CTCFL: variants seen among roughly 807,000 people sequenced by gnomAD.
CTCFL encodes CCCTC-binding factor like, also known as transcriptional repressor CTCFL.
Under a neutral mutation model 67.4 loss-of-function variants are expected in CTCFL, and 36 were observed. The observed-to-expected ratio is 0.53, with a 90% confidence interval of 0.41 to 0.71. CTCFL has a LOEUF of 0.71. Among genes scored for constraint, CTCFL ranks in the 30% least tolerant of loss-of-function variants. The pLI is 0.00. For missense variants in CTCFL, 786 were observed against 835.2 expected, an observed-to-expected ratio of 0.94 and a Z score of 0.73; for synonymous variants, 324 against 302.3, an observed-to-expected ratio of 1.07 and a Z score of -0.75.
intron 9 of CTCFL, among the ~76,000 whole-genome samples, chr20:57,506,398 G>A (rs763304564): frequency 3.5e-4 from 53 of 152,140 alleles, no homozygotes; most frequent in Non-Finnish European, 2.6e-4. Context: ...CCACCTCCTG[G>A]GTTCAAGCAA....
intron 5 of CTCFL, among the ~76,000 whole-genome samples, chr20:57,517,850 TC>T (rs2069043037): frequency 6.6e-6 from 1 of 152,212 alleles, no homozygotes; most frequent in Non-Finnish European, 1.5e-5. Flanking sequence ...AAAAGTCCAC[TC>T]CAGGCTTAGG....
intron 8 of CTCFL, 57 bp from the exon 9 acceptor site, chr20:57,508,845 A>G: frequency 6.8e-7 from 1 of 1,480,854 alleles, no homozygotes. Context: ...TCTCGATATT[A>G]GACACTGTTT....
chr20:57,497,189 T>G lies in CTCFL; in HGVS notation c.*1361A>C. ...TATAGCAATTTTAAGTCATTTCATT[T>G]TATTGAATTATGTAAAACATCTTTA... On this transcript the variant is annotated 3_prime_UTR_variant, in exon 11 of 11. Transcript: ENST00000243914. 1.1e-6 allele frequency: 1 copy of G among 885,470 alleles called. No homozygotes were observed. The highest frequency in any genetic ancestry group is 5.2e-5 in the South Asian group (1 of 19,238). 54.9% of individuals were successfully genotyped at this position (885,470 alleles called of 1,614,324 possible). A position where few individuals can be genotyped will look rare whatever the true frequency, so the allele number is the denominator to read the frequency against.
intron 5 of CTCFL, chr20:57,518,418 A>G: frequency 1.1e-6 from 1 of 915,794 alleles, no homozygotes; most frequent in East Asian, 3.1e-5. Flanking sequence ...TCTGCATTCT[A>G]CGTTAGAGCA....
At chr20:57,501,598 G>C (rs1435708445) in intron 10 of CTCFL, among the ~76,000 whole-genome samples, 2 of 152,234 alleles carry the variant, frequency 1.3e-5, no homozygotes, top group African/African-American at 4.8e-5. Context: ...GTGAGACACT[G>C]GTTTTTCTTC....
Position 57,518,871 on chromosome 20 carries a change from T to TA in CTCFL, c.945dup (p.Asn316Ter). On this transcript the variant is annotated frameshift_variant, in exon 5 of 11. Coordinates refer to ENST00000243914, the MANE Select transcript of CTCFL (RefSeq NM_001386993.1). LOFTEE classifies it high-confidence loss of function. ...GTGACAAATGCCATGTTGCAGTCGT[T>TA]ACACTTGTAGGGCCTGGTTCCTGTA... is the stretch of plus-strand genomic sequence containing the variant. 1 of 1,613,904 alleles carries TA rather than the reference T, an allele frequency of 6.2e-7. No individual in the cohort carries two copies. The highest frequency in any genetic ancestry group is 8.5e-7 in the Non-Finnish European group (1 of 1,179,828).
At chr20:57,510,776 T>C (rs1169421645) in intron 8 of CTCFL, among the ~76,000 whole-genome samples, 1 of 152,146 alleles carries the variant, frequency 6.6e-6, no homozygotes, top group African/African-American at 2.4e-5. Flanking sequence ...GGCAGGAGAA[T>C]GGCGTGAACC....
intron 3 of CTCFL, 88 bp downstream of exon 3, chr20:57,522,980 C>G: frequency 9.4e-7 from 1 of 1,063,668 alleles, no homozygotes; most frequent in South Asian, 1.5e-5. Context: ...AAGTCAACCA[C>G]TTAAAACTTC....
chr20:57,501,116 A>G (rs1045418519), intron 10 of CTCFL, among the ~76,000 whole-genome samples: 2 of 152,192 alleles, frequency 1.3e-5, no homozygotes, highest in African/African-American at 4.8e-5. Flanking sequence ...CGTTTATTCA[A>G]CAAGTGGTGA....
chr20:57,524,430 G>A, intron 1 of CTCFL: 2 of 1,393,942 alleles, frequency 1.4e-6, no homozygotes, highest in Non-Finnish European at 1.9e-6. Context: ...GCAGGATTTT[G>A]TACAAAACCC....
upstream of CTCFL, chr20:57,525,332 G>C (rs1241791290): frequency 1.5e-5 from 2 of 131,232 alleles, no homozygotes; most frequent in African/African-American, 6.0e-5. Flanking sequence ...ATGAGGAGGG[G>C]AGGAGGGTCC....
At chr20:57,524,508 G>A (rs2069699567) in intron 1 of CTCFL, 1 of 1,192,392 alleles carries the variant, frequency 8.4e-7, no homozygotes, top group South Asian at 2.2e-5. Flanking sequence ...GCAAGGTTCC[G>A]CCTGAGCACA....
intron 7 of CTCFL, chr20:57,513,715 G>A (rs1568867782): frequency 7.5e-6 from 9 of 1,201,464 alleles, no homozygotes; most frequent in South Asian, 1.5e-5. Flanking sequence ...AACACCTTTC[G>A]CCTTTCAGAA....
intron 7 of CTCFL, among the ~76,000 whole-genome samples, chr20:57,513,065 G>A (rs1476942591): frequency 1.3e-5 from 2 of 152,124 alleles, no homozygotes; most frequent in Non-Finnish European, 2.9e-5. Context: ...ACAGAATGCT[G>A]AAATATCATT....
chr20:57,523,880 T>C lies in CTCFL; in HGVS notation c.326A>G (p.Gln109Arg), dbSNP rs746939890. 1.9e-6 allele frequency: 3 copies of C among 1,613,192 alleles called. No individual in the cohort carries two copies. Among genetic ancestry groups the C allele is most frequent in the Non-Finnish European group, 2.5e-6 (3 of 1,180,040 alleles). ...AGGGCCAGGCTGTTGCACCACCACC[T>C]GCACCCCTTCTTGCTGCTGTATGCT... is the stretch of plus-strand genomic sequence containing the variant. ...LLSIQQQEGV[Q>R]VVVQQPGPGL... Residue 109 changes from glutamine to arginine, a missense_variant, in exon 2 of 11, where the codon CAG (glutamine) becomes CGG (arginine). By Grantham distance (43) the Gln-to-Arg change is conservative. Around this residue, in one of 3 missense-constraint regions of CTCFL, gnomAD observed 333 missense variants for 304.6 expected, o/e 1.09. Transcript: ENST00000243914.
intron 10 of CTCFL, among the ~76,000 whole-genome samples, chr20:57,502,809 G>C (rs1329199227): frequency 6.6e-6 from 1 of 152,134 alleles, no homozygotes; most frequent in Non-Finnish European, 1.5e-5. Flanking sequence ...ACCCCTAAAG[G>C]GATATGTCCA....
intron 8 of CTCFL, among the ~76,000 whole-genome samples, chr20:57,510,869 TAAAA>T (rs2068508760): frequency 2.0e-5 from 3 of 151,976 alleles, no homozygotes; most frequent in Non-Finnish European, 4.4e-5. Flanking sequence ...AATAAAAAAA[TAAAA>T]AAAGAATTCA....
In CTCFL at chr20:57,519,748, G is replaced by A. The variant is rs6025603; in HGVS notation, c.755-371C>T. Reference sequence around the variant, plus strand: ...ACCTGAAGTGGGGCGCCCAAGAAATGTGGCCCTGCATTCTCTGTAGGGTGA... The same window carrying A: ...ACCTGAAGTGGGGCGCCCAAGAAATATGGCCCTGCATTCTCTGTAGGGTGA... On this transcript the variant is annotated intron_variant, in intron 3 of 10. Coordinates refer to ENST00000243914, the MANE Select transcript of CTCFL (RefSeq NM_001386993.1). 4.9e-3 allele frequency among the ~76,000 whole-genome samples: 741 copies of A among 152,248 alleles called. 6 individuals carry two copies. The highest frequency in any genetic ancestry group is 0.017 in the African/African-American group (708 of 41,540).
rs746158810 is a variant in CTCFL at position 57,498,523 on chromosome 20, G to T, written c.*27C>A. 1 of 1,600,442 alleles carries T rather than the reference G, an allele frequency of 6.2e-7. No individual in the cohort carries two copies. The highest frequency in any genetic ancestry group is 8.5e-7 in the Non-Finnish European group (1 of 1,171,382). On this transcript the variant is annotated 3_prime_UTR_variant, in exon 11 of 11. Coordinates refer to ENST00000243914, the MANE Select transcript of CTCFL (RefSeq NM_001386993.1). The stretch of plus-strand genomic sequence containing the variant: ...TTCTAACTTGCTTTAGGAATTGGGG[G>T]CAGTGAACACGCAACCCGAATCCCT...
Sources: gnomAD v4.1 joint callset for allele counts (sites outside exome capture counted in the v4.1 genomes callset) on GRCh38, gnomAD v4.1.1 for gene constraint, gnomAD v4.1.1 regional missense constraint, MANE v1.5 for transcripts, NCBI Gene and HGNC (gene_info 2026-07-23, HGNC 2026-07-21) for gene names.